SSPN: variants seen among roughly 807,000 people sequenced by gnomAD.
The protein encoded by SSPN is K-ras oncogene-associated protein.
Under a neutral mutation model 19.1 loss-of-function variants are expected in SSPN, and 15 were observed. That is an observed-to-expected ratio of 0.78 (90% confidence interval 0.52 to 1.21). The LOEUF (loss-of-function observed/expected upper bound fraction) is 1.21, where lower values mean the gene tolerates loss of function less well. Ranked by LOEUF, SSPN falls within the 50% of genes most tolerant of loss-of-function variation. The probability of loss-of-function intolerance (pLI) is 0.00; values close to 1 mark genes in which losing one functional copy is unlikely to be tolerated. For synonymous variants in SSPN, 147 were observed against 140.3 expected, an observed-to-expected ratio of 1.05 and a Z score of -0.34; for missense variants, 291 against 314.0, an observed-to-expected ratio of 0.93 and a Z score of 0.55.
chr12:26,191,554 T>G (rs1408728142), upstream of SSPN, among the ~76,000 whole-genome samples: 1 of 151,960 alleles, frequency 6.6e-6, no homozygotes, highest in African/African-American at 2.4e-5. Flanking sequence ...AATACAAACT[T>G]GCAAGCAAAA....
chr12:26,125,611 T>C (rs1944357120), intron 1 of SSPN: 1 of 152,202 alleles, frequency 6.6e-6, no homozygotes. Flanking sequence ...ATGAAAACGT[T>C]GTCACTGGGT....
intron 1 of SSPN, among the ~76,000 whole-genome samples, chr12:26,168,781 C>T (rs1026880294): frequency 2.0e-5 from 3 of 152,074 alleles, no homozygotes; most frequent in Admixed American, 1.3e-4. Flanking sequence ...AAAATCCATA[C>T]GACTTAGTGA....
intron 1 of SSPN, among the ~76,000 whole-genome samples, chr12:26,205,803 T>C (rs1944926145): frequency 6.6e-6 from 1 of 152,200 alleles, no homozygotes; most frequent in Non-Finnish European, 1.5e-5. Flanking sequence ...GTTTGAATCT[T>C]TTAGTTTATG....
rs79038001 is a variant in SSPN, at chr12:26,172,694, A to T, written c.-31+50542A>T. On this transcript the variant is annotated intron_variant, in intron 1 of 2. Transcript: ENST00000538142. ...GGAGACGGTTTCCCACATAAAATAC[A>T]AATGTGTTTTCAGAATATCCTCAAA... Among the ~76,000 whole-genome samples the T allele has an allele frequency of 1.2e-4, 18 of 152,222 alleles. No homozygotes were observed. In the East Asian group the frequency reaches 3.5e-3, roughly 29 times the overall value.
intron 1 of SSPN, among the ~76,000 whole-genome samples, chr12:26,151,071 G>T (rs186567206): frequency 6.6e-6 from 1 of 152,242 alleles, no homozygotes; most frequent in East Asian, 1.9e-4. Context: ...GCACATTTTG[G>T]TGGGATTTTC....
chr12:26,141,937 C>G (rs1033326528), intron 1 of SSPN, among the ~76,000 whole-genome samples: 3 of 152,084 alleles, frequency 2.0e-5, no homozygotes, highest in African/African-American at 7.2e-5. Context: ...CACAGGCACC[C>G]ATAGGAAAAG....
chr12:26,144,979 A>G lies in SSPN; in HGVS notation c.-31+22827A>G, dbSNP rs138399248. 9.7e-3 allele frequency among the ~76,000 whole-genome samples: 1,470 copies of G among 152,326 alleles called. 11 individuals carry two copies. The highest frequency in any genetic ancestry group is 0.024 in the Middle Eastern group (7 of 294). Reference sequence around the variant, plus strand: ...CCTTTGTGTAACTGAAATAACTCAGACTTCACTGGCCAGATAGCATTGTTA... The same window carrying G: ...CCTTTGTGTAACTGAAATAACTCAGGCTTCACTGGCCAGATAGCATTGTTA... On this transcript the variant is annotated intron_variant, in intron 1 of 2. Transcript: ENST00000538142.
rs564038312 is a variant in SSPN, at chr12:26,232,527, G to A, written c.*1451G>A. On this transcript the variant is annotated 3_prime_UTR_variant, in exon 3 of 3. Transcript: ENST00000242729. ...ATAATTGAGTTCAATTCGCCTCTCC[G>A]CATTGCCTATTGATACACTTTACTA... 19 of 985,306 alleles carry A rather than the reference G, an allele frequency of 1.9e-5. No homozygotes were observed. Among genetic ancestry groups the A allele is most frequent in the Admixed American group, 1.2e-4 (2 of 16,266 alleles). The allele number at this position is 985,306 out of a possible 1,614,324, so 61.0% of individuals were successfully genotyped here. A position where few individuals can be genotyped will look rare whatever the true frequency, so the allele number is the denominator to read the frequency against.
At chr12:26,128,208 C>A (rs973881584) in intron 1 of SSPN, among the ~76,000 whole-genome samples, 2 of 152,014 alleles carry the variant, frequency 1.3e-5, no homozygotes, top group African/African-American at 4.8e-5. Flanking sequence ...TTCTATTTAC[C>A]AGTATAAGTG....
At chr12:26,149,961 A>G (rs192046414) in intron 1 of SSPN, among the ~76,000 whole-genome samples, 1 of 152,298 alleles carries the variant, frequency 6.6e-6, no homozygotes, top group East Asian at 1.9e-4. Context: ...ATGTACACAT[A>G]TACTCGCAAG....
intron 1 of SSPN, among the ~76,000 whole-genome samples, chr12:26,215,140 C>T (rs530474576): frequency 5.3e-5 from 8 of 152,310 alleles, no homozygotes; most frequent in South Asian, 2.1e-4. Context: ...TTTATACTCC[C>T]GGTCCCTACC....
intron 1 of SSPN, among the ~76,000 whole-genome samples, chr12:26,146,500 C>G (rs1441875832): frequency 4.6e-5 from 7 of 152,120 alleles, no homozygotes. Flanking sequence ...TAAACTTTAG[C>G]ATTAGTAGGA....
chr12:26,172,849 ATC>A (rs758707141), intron 1 of SSPN, among the ~76,000 whole-genome samples: 15 of 149,432 alleles, frequency 1.0e-4, no homozygotes, highest in East Asian at 2.0e-4. Context: ...TTCTTTACAG[ATC>A]TCTCTCTCTC....
At chr12:26,123,515 G>A (rs556767191) in intron 1 of SSPN, 2 of 821,694 alleles carry the variant, frequency 2.4e-6, no homozygotes, top group South Asian at 2.7e-5. Flanking sequence ...ACAAATGAGA[G>A]GGAACCCATG....
chr12:26,182,401 A>G (rs1225257626), intron 1 of SSPN, among the ~76,000 whole-genome samples: 1 of 152,194 alleles, frequency 6.6e-6, no homozygotes, highest in African/African-American at 2.4e-5. Flanking sequence ...AATAAGAATG[A>G]TATTATTTTG....
intron 1 of SSPN, chr12:26,124,918 G>A (rs185621747): frequency 3.4e-6 from 3 of 879,108 alleles, no homozygotes; most frequent in East Asian, 2.5e-5. Flanking sequence ...GTGCAGTGTT[G>A]AAAGTGTGAA....
intron 2 of SSPN, among the ~76,000 whole-genome samples, chr12:26,225,443 A>G (rs1299787753): frequency 6.6e-6 from 1 of 152,222 alleles, no homozygotes; most frequent in African/African-American, 2.4e-5. Flanking sequence ...TACAGAAAAA[A>G]TAAAAGCTCT....
chr12:26,195,453 C>A, upstream of SSPN: 1 of 787,678 alleles, frequency 1.3e-6, no homozygotes, highest in East Asian at 3.5e-5. Flanking sequence ...GCAGGCGCTG[C>A]GTCCCGGCGC....
chr12:26,204,652 G>A (rs1020068514), intron 1 of SSPN, among the ~76,000 whole-genome samples: 2 of 152,104 alleles, frequency 1.3e-5, no homozygotes, highest in African/African-American at 4.8e-5. Flanking sequence ...AGCCTTATGA[G>A]GTAATAGCCT....
Sources: allele counts gnomAD v4.1 joint callset (sites outside exome capture counted in the v4.1 genomes callset), GRCh38; gene constraint gnomAD v4.1.1; transcripts MANE v1.5; gene names NCBI Gene and HGNC (gene_info 2026-07-23, HGNC 2026-07-21).